The following PRIM2 variants were observed in gnomAD, a reference collection of about 807,000 sequenced individuals.
PRIM2 encodes DNA primase large subunit.
A neutral mutation model predicts 67.3 loss-of-function variants in PRIM2; 39 were observed. That is an observed-to-expected ratio of 0.58 (90% CI 0.45 to 0.76). The LOEUF (loss-of-function observed/expected upper bound fraction) is 0.76, where lower values mean the gene tolerates loss of function less well. Among genes scored for constraint, PRIM2 ranks in the 30% least tolerant of loss-of-function variants. The pLI is 0.00. For missense variants in PRIM2, 398 were observed against 598.7 expected (o/e 0.66, Z 3.50); for synonymous variants, 143 against 198.7 (o/e 0.72, Z 2.36).
At chr6:57,625,143 C>G (rs1380496948) in intron 12 of PRIM2, among the ~76,000 whole-genome samples, 2 of 151,942 alleles carry the variant, frequency 1.3e-5, no homozygotes, top group African/African-American at 4.8e-5. Flanking sequence ...GAGGATAGAG[C>G]CAAACCATAT....
rs1383643108 is a variant in PRIM2 at position 57,584,724 on chromosome 6, G to GAA, written c.1021-16368_1021-16367insAA. On this transcript the variant is annotated intron_variant, in intron 10 of 13. Coordinates refer to ENST00000615550, the MANE Select transcript of PRIM2 (RefSeq NM_000947.5). ...AGGGGAACTCCCAGGAGTCTTCAGAGATATATTTGATTATAAAATGAACTA... is the reference window on the plus strand; with the variant it reads ...AGGGGAACTCCCAGGAGTCTTCAGAGAAATATATTTGATTATAAAATGAACTA... Among the ~76,000 whole-genome samples the GAA allele has an allele frequency of 1.8e-3, 278 of 152,246 alleles. 3 individuals carry two copies. Among genetic ancestry groups the GAA allele is most frequent in the Admixed American group, 0.014 (213 of 15,294 alleles).
chr6:57,443,728 T>G (rs1772275774), intron 7 of PRIM2, among the ~76,000 whole-genome samples: 1 of 152,170 alleles, frequency 6.6e-6, no homozygotes. Context: ...CTCTGCATAT[T>G]GTTGTTTCCT....
chr6:57,576,159 C>T (rs1304407116), intron 10 of PRIM2, among the ~76,000 whole-genome samples: 1 of 151,910 alleles, frequency 6.6e-6, no homozygotes, highest in Non-Finnish European at 1.5e-5. Context: ...GTTGGGAAGG[C>T]ATGTTCATGA....
At chr6:57,531,245 C>G (rs1210355443) in intron 8 of PRIM2, among the ~76,000 whole-genome samples, 1 of 152,046 alleles carries the variant, frequency 6.6e-6, no homozygotes, top group African/African-American at 2.4e-5. Context: ...CTTGATCTCC[C>G]TGGCTCAAGC....
upstream of PRIM2, among the ~76,000 whole-genome samples, chr6:57,311,764 C>T (rs937568601): frequency 2.0e-5 from 3 of 152,000 alleles, no homozygotes; most frequent in Non-Finnish European, 4.4e-5. Context: ...AGCGAGACTC[C>T]GTCTGCAATC....
chr6:57,465,550 G>T (rs1773154977), intron 7 of PRIM2, among the ~76,000 whole-genome samples: 1 of 152,122 alleles, frequency 6.6e-6, no homozygotes, highest in South Asian at 2.1e-4. Flanking sequence ...ATAAAGCATG[G>T]ACTCTCGTGC....
intron 12 of PRIM2, among the ~76,000 whole-genome samples, chr6:57,624,392 G>A (rs1357166481): frequency 6.6e-6 from 1 of 151,378 alleles, no homozygotes; most frequent in African/African-American, 2.4e-5. Context: ...TGGGTAGCAG[G>A]TTAAATTGCT....
intron 3 of PRIM2, among the ~76,000 whole-genome samples, chr6:57,322,323 G>A (rs926306248): frequency 1.3e-5 from 2 of 152,078 alleles, no homozygotes; most frequent in African/African-American, 4.8e-5. Context: ...CAAGCAAATG[G>A]GTTGCGGGGT....
intron 5 of PRIM2, among the ~76,000 whole-genome samples, chr6:57,336,080 G>A (rs1445136347): frequency 2.0e-5 from 3 of 152,150 alleles, no homozygotes; most frequent in Non-Finnish European, 2.9e-5. Context: ...CTCAGGAGCC[G>A]ATGCGATCAA....
chr6:57,273,214 C>T, the PRIM2 span, among the ~76,000 whole-genome samples: 12 of 152,200 alleles, frequency 7.9e-5, no homozygotes, highest in Non-Finnish European at 1.5e-4. Flanking sequence ...TAATATCCTG[C>T]AGAATATTTT....
At chr6:57,483,144 G>A (rs2127406412) in intron 7 of PRIM2, among the ~76,000 whole-genome samples, 1 of 152,242 alleles carries the variant, frequency 6.6e-6, no homozygotes, top group South Asian at 2.1e-4. Context: ...CTGACCTCAG[G>A]TGATCTACCA....
chr6:57,641,775 CTG>C (rs1488686200), intron 13 of PRIM2, among the ~76,000 whole-genome samples: 1 of 152,186 alleles, frequency 6.6e-6, no homozygotes, highest in East Asian at 1.9e-4. Flanking sequence ...TGCTTTTACA[CTG>C]TTGGTGGGAG....
At position 57,418,383 on chromosome 6, in the gene PRIM2, G is replaced by GGTTTTTTTTTTTTTTTTTTTTT. The variant is rs1554336216; in HGVS notation, c.693+36215_693+36216insGTTTTTTTTTTTTTTTTTTTTT. Reference sequence around the variant, plus strand: ...TAAGGTAATGTTTCCTATGTGTGTGGTTTTTTTTTTTTTTTTTTTTTTTTT... The same window carrying GGTTTTTTTTTTTTTTTTTTTTT: ...TAAGGTAATGTTTCCTATGTGTGTGGGTTTTTTTTTTTTTTTTTTTTTTTTTTTTTTTTTTTTTTTTTTTTTT... On this transcript the variant is annotated intron_variant, in intron 7 of 13. Transcript: ENST00000615550. 8.5e-5 allele frequency among the ~76,000 whole-genome samples: 4 copies of GGTTTTTTTTTTTTTTTTTTTTT among 47,232 alleles called. 1 individual carries two copies. Among genetic ancestry groups the GGTTTTTTTTTTTTTTTTTTTTT allele is most frequent in the Non-Finnish European group, 1.3e-4 (3 of 23,318 alleles). The allele number at this position is 47,232 out of a possible 152,430, so 31.0% of individuals were successfully genotyped here.
chr6:57,276,550 G>GTT, the PRIM2 span, among the ~76,000 whole-genome samples: 2 of 152,096 alleles, frequency 1.3e-5, no homozygotes, highest in African/African-American at 4.8e-5. Flanking sequence ...AAAAGCATGG[G>GTT]TGGAAAGACA....
chr6:57,639,951 A>T (rs1416984139), intron 13 of PRIM2, among the ~76,000 whole-genome samples: 1 of 152,016 alleles, frequency 6.6e-6, no homozygotes, highest in Non-Finnish European at 1.5e-5. Context: ...TTTCTGGCCA[A>T]TATCCCTGGT....
the PRIM2 span, among the ~76,000 whole-genome samples, chr6:57,285,002 CAA>C: frequency 2.3e-3 from 353 of 152,256 alleles, no homozygotes; most frequent in Non-Finnish European, 3.6e-3. Context: ...CACCTCTATG[CAA>C]ATAAACTAGA....
intron 5 of PRIM2, among the ~76,000 whole-genome samples, chr6:57,374,311 T>TTTTTTTTTTTTA (rs1769674440): frequency 1.5e-5 from 1 of 67,092 alleles, no homozygotes; most frequent in African/African-American, 5.3e-5. Flanking sequence ...TTATTTTTTT[T>TTTTTTTTTTTTA]GAGACGGAGT....
At chr6:57,449,196 G>A (rs1581914738) in intron 7 of PRIM2, among the ~76,000 whole-genome samples, 1 of 151,960 alleles carries the variant, frequency 6.6e-6, no homozygotes, top group Non-Finnish European at 1.5e-5. Context: ...AAAAATAAAG[G>A]GTTGCTATAC....
chr6:57,621,584 C>T (rs1195266500), intron 12 of PRIM2, among the ~76,000 whole-genome samples: 6 of 152,002 alleles, frequency 3.9e-5, no homozygotes, highest in African/African-American at 1.5e-4. Flanking sequence ...ACAAAAACTC[C>T]ACTTCTGTAT....
Sources: allele counts gnomAD v4.1 joint callset (sites outside exome capture counted in the v4.1 genomes callset), GRCh38; gene constraint gnomAD v4.1.1; transcripts MANE v1.5; gene names NCBI Gene and HGNC (gene_info 2026-07-23, HGNC 2026-07-21).